Variants in PAM observed in about 807,000 individuals in gnomAD.
The protein encoded by PAM is peptidylglycine alpha-amidating monooxygenase, also known as peptidyl-glycine alpha-amidating monooxygenase.
PAM carries 72 observed loss-of-function variants against 122.1 expected under a neutral mutation model. The ratio of observed to expected loss-of-function variants is 0.59; its 90% CI spans 0.49 to 0.72. PAM has a LOEUF of 0.72. Among genes scored for constraint, PAM ranks in the 30% least tolerant of loss-of-function variants. The probability of loss-of-function intolerance (pLI) is 0.00; values close to 1 mark genes in which losing one functional copy is unlikely to be tolerated. For synonymous variants in PAM, 389 were observed against 404.4 expected (o/e 0.96, Z 0.46); for missense variants, 1,106 against 1,183.7 (o/e 0.93, Z 0.96).
rs558887485 is a variant in PAM, at chr5:102,835,951, TA to T, written c.-373-29865del. 5.0e-4 allele frequency among the ~76,000 whole-genome samples: 76 copies of T among 152,232 alleles called. No individual in the cohort carries two copies. In the East Asian group the frequency reaches 0.01, roughly 20 times the overall value. On this transcript the variant is annotated intron_variant, in intron 1 of 25. Coordinates refer to ENST00000438793, the MANE Select transcript of PAM (RefSeq NM_001177306.2). ...GTAACAGCTGTTGCAAAATTTGACT[TA>T]AAAAAACCTGAATGGGCAAATATAC... is the stretch of plus-strand genomic sequence containing the variant.
chr5:102,764,142 C>A (rs1753204752), intron 1 of PAM, among the ~76,000 whole-genome samples: 2 of 151,948 alleles, frequency 1.3e-5, no homozygotes, highest in African/African-American at 4.8e-5. Flanking sequence ...TTTAGCGACT[C>A]CCTACTTTAT....
intron 1 of PAM, among the ~76,000 whole-genome samples, chr5:102,783,577 T>A (rs1250146839): frequency 6.6e-6 from 1 of 152,160 alleles, no homozygotes; most frequent in East Asian, 1.9e-4. Flanking sequence ...AGAAAATAAT[T>A]TGCAGATTCC....
chr5:102,887,525 A>G (rs900986287), intron 3 of PAM, among the ~76,000 whole-genome samples: 4 of 151,950 alleles, frequency 2.6e-5, no homozygotes, highest in African/African-American at 9.7e-5. Flanking sequence ...TCTTCAGTCA[A>G]AGCACAGAGC....
chr5:102,798,334 G>C (rs1027723275), intron 1 of PAM, among the ~76,000 whole-genome samples: 1 of 152,178 alleles, frequency 6.6e-6, no homozygotes, highest in Non-Finnish European at 1.5e-5. Context: ...ATATGATGAG[G>C]GAGGAATATT....
chr5:102,817,178 C>A (rs1770148679), intron 1 of PAM, among the ~76,000 whole-genome samples: 1 of 152,050 alleles, frequency 6.6e-6, no homozygotes. Flanking sequence ...TGAAACCTAG[C>A]TGTTAGTAGT....
intron 7 of PAM, among the ~76,000 whole-genome samples, chr5:102,945,594 A>C (rs954679154): frequency 5.9e-5 from 9 of 151,882 alleles, no homozygotes; most frequent in African/African-American, 9.7e-5. Flanking sequence ...TTTTTTAAGC[A>C]GTGGGATTCC....
chr5:102,990,476 TAATGG>T (rs1267559442), intron 16 of PAM, 75 bp downstream of exon 16: 2 of 1,108,350 alleles, frequency 1.8e-6, no homozygotes, highest in Non-Finnish European at 2.5e-6. Context: ...AAACTAAGAA[TAATGG>T]TGAGAGAACT....
chr5:102,823,750 T>C (rs1275365826), intron 1 of PAM, among the ~76,000 whole-genome samples: 2 of 152,096 alleles, frequency 1.3e-5, no homozygotes, highest in African/African-American at 2.4e-5. Flanking sequence ...TAGTCCTGAG[T>C]TTATGTACTG....
chr5:102,963,417 C>T (rs1490314036), intron 14 of PAM, among the ~76,000 whole-genome samples: 1 of 151,918 alleles, frequency 6.6e-6, no homozygotes, highest in Non-Finnish European at 1.5e-5. Context: ...AATAAGGGGG[C>T]TTTAATTATT....
intron 15 of PAM, among the ~76,000 whole-genome samples, chr5:102,983,519 T>C (rs72785709): frequency 0.014 from 2,136 of 151,736 alleles, 22 homozygotes; most frequent in Middle Eastern, 0.024. Context: ...CTATGTAATA[T>C]GATATATAGG....
At chr5:102,968,023 A>G (rs1344618232) in intron 14 of PAM, among the ~76,000 whole-genome samples, 2 of 152,102 alleles carry the variant, frequency 1.3e-5, no homozygotes, top group East Asian at 3.9e-4. Flanking sequence ...GTGCCCAGCC[A>G]AAAACTAGTC....
chr5:102,897,154 C>T (rs1433593276), intron 3 of PAM, among the ~76,000 whole-genome samples: 3 of 151,642 alleles, frequency 2.0e-5, no homozygotes, highest in East Asian at 1.9e-4. Context: ...GAACTACCAA[C>T]GCTCTTGAAA....
Position 102,848,130 on chromosome 5 carries a change from C to A in PAM, c.-373-17693C>A, listed in dbSNP as rs373327259. Among the ~76,000 whole-genome samples, 88 of 152,026 alleles carry A rather than the reference C, an allele frequency of 5.8e-4. 1 individual carries two copies. The highest frequency in any genetic ancestry group is 4.8e-3 in the South Asian group (23 of 4,818). On this transcript the variant is annotated intron_variant, in intron 1 of 25. Coordinates refer to ENST00000438793, the MANE Select transcript of PAM (RefSeq NM_001177306.2). ...ATTTATTTGGATTACCAGATGTGTT[C>A]TCTTTCTCTCTCTTCATGTCCTTCT...
intron 15 of PAM, among the ~76,000 whole-genome samples, chr5:102,980,365 C>G (rs1017796952): frequency 2.6e-5 from 4 of 152,078 alleles, no homozygotes; most frequent in African/African-American, 9.7e-5. Flanking sequence ...AGGTAGAACT[C>G]AAATATATTT....
intron 1 of PAM, chr5:102,808,162 C>G (rs878885148): frequency 3.3e-4 from 50 of 152,242 alleles, no homozygotes; most frequent in Middle Eastern, 3.4e-3. Context: ...GATGATTCAC[C>G]CCACAATAAA....
At chr5:103,002,013 C>G (rs905614015) in intron 16 of PAM, among the ~76,000 whole-genome samples, 2 of 151,894 alleles carry the variant, frequency 1.3e-5, no homozygotes, top group Non-Finnish European at 2.9e-5. Flanking sequence ...TAAACACACA[C>G]ACATACACAC....
At chr5:102,761,075 A>C (rs967439896) in intron 1 of PAM, among the ~76,000 whole-genome samples, 8 of 152,340 alleles carry the variant, frequency 5.3e-5, no homozygotes, top group African/African-American at 1.7e-4. Flanking sequence ...GAGCATAGCC[A>C]GTCCAGCAGC....
At chr5:102,917,496 G>T (rs370824714) in intron 5 of PAM, among the ~76,000 whole-genome samples, 7 of 152,098 alleles carry the variant, frequency 4.6e-5, no homozygotes, top group African/African-American at 1.7e-4. Flanking sequence ...TCACACTCTA[G>T]GGAAACTTAT....
intron 9 of PAM, among the ~76,000 whole-genome samples, chr5:102,949,157 A>G (rs1561996810): frequency 2.0e-5 from 3 of 152,098 alleles, no homozygotes; most frequent in Admixed American, 6.6e-5. Context: ...GGAACTGTCA[A>G]TGTAGTGATG....
Sources: allele counts gnomAD v4.1 joint callset (sites outside exome capture counted in the v4.1 genomes callset), GRCh38; gene constraint gnomAD v4.1.1; transcripts MANE v1.5; gene names NCBI Gene and HGNC (gene_info 2026-07-23, HGNC 2026-07-21).